CA10: variants seen among roughly 807,000 people sequenced by gnomAD.
CA10 encodes the protein carbonic anhydrase-related protein 10.
A neutral mutation model predicts 44.2 loss-of-function variants in CA10; 14 were observed. The ratio of observed to expected loss-of-function variants is 0.32; its 90% CI spans 0.21 to 0.50. The LOEUF (loss-of-function observed/expected upper bound fraction) is 0.50. CA10 is among the 20% of genes least tolerant of loss of function. The pLI is 0.99. For synonymous variants in CA10, 159 were observed against 141.6 expected, an observed-to-expected ratio of 1.12 and a Z score of -0.87; for missense variants, 350 against 409.7, an observed-to-expected ratio of 0.85 and a Z score of 1.26.
At chr17:51,849,227 G>GTATATATATATATACATA (rs1978665195) in intron 3 of CA10, among the ~76,000 whole-genome samples, 2 of 25,408 alleles carry the variant, frequency 7.9e-5, no homozygotes, top group Non-Finnish European at 1.5e-4. Context: ...ATACATATAT[G>GTATATATATATATACATA]TGTGTGTATA....
At chr17:52,146,612 C>T (rs1272620685) in intron 1 of CA10, among the ~76,000 whole-genome samples, 1 of 151,964 alleles carries the variant, frequency 6.6e-6, no homozygotes, top group African/African-American at 2.4e-5. Flanking sequence ...ATGGCGTGAA[C>T]CCAGGAGGCG....
At chr17:51,810,023 C>A (rs1003986013) in intron 3 of CA10, among the ~76,000 whole-genome samples, 3 of 152,072 alleles carry the variant, frequency 2.0e-5, no homozygotes, top group Non-Finnish European at 4.4e-5. Context: ...GATCATGAGG[C>A]CAAAACATGG....
chr17:51,659,292 G>A (rs539534900), intron 4 of CA10, among the ~76,000 whole-genome samples: 1 of 152,244 alleles, frequency 6.6e-6, no homozygotes, highest in African/African-American at 2.4e-5. Flanking sequence ...TGGGCCTTCA[G>A]ATTTTAGACT....
chr17:52,062,010 C>T (rs538296893), intron 2 of CA10, among the ~76,000 whole-genome samples: 1 of 151,616 alleles, frequency 6.6e-6, no homozygotes, highest in Admixed American at 6.6e-5. Flanking sequence ...AGGGAGAAAA[C>T]CTCATAAATT....
chr17:52,000,158 C>A (rs1232494272), intron 2 of CA10, among the ~76,000 whole-genome samples: 1 of 152,030 alleles, frequency 6.6e-6, no homozygotes, highest in Non-Finnish European at 1.5e-5. Flanking sequence ...GTAAGAATCA[C>A]TATTGGGAAT....
At chr17:51,661,666 G>A (rs939210382) in intron 4 of CA10, 1 of 152,196 alleles carries the variant, frequency 6.6e-6, no homozygotes, top group Non-Finnish European at 1.5e-5. Flanking sequence ...TAGGGGTTAG[G>A]TATGTGCAGG....
At position 51,820,425 on chromosome 17, in the gene CA10, C is replaced by T. The variant is rs796119812; in HGVS notation, c.280-72607G>A. Among the ~76,000 whole-genome samples the T allele has an allele frequency of 4.8e-3, 611 of 126,842 alleles. 15 individuals are homozygous for T. Among genetic ancestry groups the T allele is most frequent in the African/African-American group, 0.017 (574 of 33,002 alleles). The allele number at this position is 126,842 out of a possible 152,430, so 83.2% of individuals were successfully genotyped here. On this transcript the variant is annotated intron_variant, in intron 3 of 8. Coordinates refer to ENST00000451037, the MANE Select transcript of CA10 (RefSeq NM_020178.5). ...CCCCTACCCCCCCCCCCCCGCCCGC[C>T]GATTTTCCTGTACAAAGTTAAGCTC...
intron 2 of CA10, among the ~76,000 whole-genome samples, chr17:51,980,854 T>C (rs892040244): frequency 6.6e-6 from 1 of 152,108 alleles, no homozygotes; most frequent in Non-Finnish European, 1.5e-5. Context: ...TTCTCGACTT[T>C]CTCTTCCGTT....
chr17:51,833,503 A>C (rs1044688654), intron 3 of CA10, among the ~76,000 whole-genome samples: 2 of 152,232 alleles, frequency 1.3e-5, no homozygotes, highest in Non-Finnish European at 2.9e-5. Context: ...AAAGCACTGA[A>C]CTTACTAGAG....
intron 2 of CA10, among the ~76,000 whole-genome samples, chr17:51,950,263 C>A (rs2144031984): frequency 6.6e-6 from 1 of 152,234 alleles, no homozygotes; most frequent in East Asian, 1.9e-4. Flanking sequence ...GACCCTCTGT[C>A]TCCTCTTTAC....
At chr17:52,074,599 C>T (rs1287674199) in intron 1 of CA10, among the ~76,000 whole-genome samples, 1 of 72,086 alleles carries the variant, frequency 1.4e-5, no homozygotes, top group Non-Finnish European at 2.7e-5. Context: ...AATAAATATA[C>T]ACTTAGCACT....
chr17:51,960,872 G>C (rs1983860195), intron 2 of CA10, among the ~76,000 whole-genome samples: 1 of 152,134 alleles, frequency 6.6e-6, no homozygotes, highest in Non-Finnish European at 1.5e-5. Context: ...TTTCAACTTG[G>C]CTAAGAGGTA....
chr17:51,684,729 G>A (rs963601926), intron 4 of CA10, among the ~76,000 whole-genome samples: 6 of 152,118 alleles, frequency 3.9e-5, no homozygotes, highest in African/African-American at 1.2e-4. Flanking sequence ...CTGTACATCC[G>A]GATCCACCAC....
At chr17:51,910,439 C>T (rs202124) in intron 3 of CA10, among the ~76,000 whole-genome samples, 50,591 of 152,048 alleles carry the variant, frequency 0.33, 10,627 homozygotes, top group Non-Finnish European at 0.47. Flanking sequence ...TGCCTCATTC[C>T]ACAAGAGTTG....
rs570099652 is a variant in CA10, at chr17:51,654,911, C to A, written c.466-1175G>T. On this transcript the variant is annotated intron_variant, in intron 4 of 8. Coordinates refer to ENST00000451037, the MANE Select transcript of CA10 (RefSeq NM_020178.5). ...TAGAAGTAAAAAACGTGATGCCCCCCCCACCACCTCTTTCTAATTCTAGTC... is the reference window on the plus strand; with the variant it reads ...TAGAAGTAAAAAACGTGATGCCCCCACCACCACCTCTTTCTAATTCTAGTC... Among the ~76,000 whole-genome samples the A allele has an allele frequency of 4.1e-4, 62 of 152,032 alleles. 2 individuals are homozygous for A. The highest frequency in any genetic ancestry group is 1.5e-3 in the African/African-American group (61 of 41,424).
At chr17:51,996,443 C>G (rs773772590) in intron 2 of CA10, among the ~76,000 whole-genome samples, 4 of 151,954 alleles carry the variant, frequency 2.6e-5, no homozygotes, top group Non-Finnish European at 5.9e-5. Flanking sequence ...TATTTTTAAG[C>G]GGTGCTGGTT....
At chr17:52,031,518 T>C (rs1986466696) in intron 2 of CA10, among the ~76,000 whole-genome samples, 1 of 152,170 alleles carries the variant, frequency 6.6e-6, no homozygotes, top group Admixed American at 6.6e-5. Context: ...TTGTGAATTT[T>C]GACACTTTTA....
intron 5 of CA10, among the ~76,000 whole-genome samples, 172 bp from the exon 6 acceptor site, chr17:51,649,426 C>T (rs1357905236): frequency 2.0e-5 from 3 of 152,120 alleles, no homozygotes; most frequent in Non-Finnish European, 4.4e-5. Context: ...AAGGACAGCC[C>T]AGTCTAGAGA....
intron 3 of CA10, among the ~76,000 whole-genome samples, chr17:51,871,573 T>A (rs1979817837): frequency 6.7e-6 from 1 of 149,800 alleles, no homozygotes; most frequent in African/African-American, 2.5e-5. Flanking sequence ...TTAGTTGAGA[T>A]GGGGTTACGC....
Sources: allele counts gnomAD v4.1 joint callset (sites outside exome capture counted in the v4.1 genomes callset), GRCh38; gene constraint gnomAD v4.1.1; transcripts MANE v1.5; gene names NCBI Gene and HGNC (gene_info 2026-07-23, HGNC 2026-07-21).